DOCK1: variants seen among roughly 807,000 people sequenced by gnomAD.
The protein encoded by DOCK1 is dedicator of cytokinesis 1, also known as dedicator of cytokinesis protein 1.
DOCK1 carries 138 observed loss-of-function variants against 262.7 expected under a neutral mutation model. That is an observed-to-expected ratio of 0.53 (90% CI 0.46 to 0.61). The LOEUF is 0.61. Among genes scored for constraint, DOCK1 ranks in the 20% least tolerant of loss-of-function variants. DOCK1 has a pLI of 0.00. For synonymous variants in DOCK1, 866 were observed against 867.4 expected (o/e 1.00, Z 0.03); for missense variants, 1,908 against 2,370.7 (o/e 0.80, Z 4.05).
At chr10:127,028,586 A>G (rs976181445) in intron 16 of DOCK1, among the ~76,000 whole-genome samples, 8 of 152,134 alleles carry the variant, frequency 5.3e-5, no homozygotes, top group African/African-American at 9.7e-5. Flanking sequence ...TTATGCTCCA[A>G]TGCCTTGGGG....
chr10:127,121,449 A>ATGTGTGTG (rs1228920155), intron 25 of DOCK1, among the ~76,000 whole-genome samples: 1 of 33,782 alleles, frequency 3.0e-5, no homozygotes, highest in African/African-American at 6.2e-5. Flanking sequence ...TGTAGGGTAT[A>ATGTGTGTG]TGTATATGTG....
chr10:127,226,906 A>G (rs902651713), intron 27 of DOCK1, among the ~76,000 whole-genome samples: 66 of 152,138 alleles, frequency 4.3e-4, no homozygotes, highest in African/African-American at 1.5e-3. Flanking sequence ...ACAGCACCCA[A>G]GTCACCCCGT....
At chr10:126,936,682 A>T (rs1390154062) in intron 1 of DOCK1, among the ~76,000 whole-genome samples, 2 of 152,222 alleles carry the variant, frequency 1.3e-5, no homozygotes, top group African/African-American at 2.4e-5. Flanking sequence ...TTAGTGTAAA[A>T]TCAGAGAAAA....
chr10:127,444,738 G>T (rs1191077610), intron 50 of DOCK1, among the ~76,000 whole-genome samples: 2 of 152,138 alleles, frequency 1.3e-5, no homozygotes, highest in East Asian at 3.9e-4. Flanking sequence ...AAAACTGGTG[G>T]CTCCAAACAG....
intron 47 of DOCK1, 83 bp from the exon 48 acceptor site, chr10:127,433,200 C>T: frequency 6.4e-7 from 1 of 1,572,338 alleles, no homozygotes; most frequent in Non-Finnish European, 8.7e-7. Context: ...TTCCACACAG[C>T]TAAGGCCACT....
chr10:127,000,054 T>G, intron 9 of DOCK1, 118 bp from the exon 10 acceptor site: 1 of 1,163,800 alleles, frequency 8.6e-7, no homozygotes, highest in Non-Finnish European at 1.2e-6. Context: ...AATAACTGAT[T>G]AAAATGATAA....
At chr10:127,179,640 G>A (rs2055532709) in intron 27 of DOCK1, among the ~76,000 whole-genome samples, 1 of 152,130 alleles carries the variant, frequency 6.6e-6, no homozygotes, top group African/African-American at 2.4e-5. Context: ...TCTTTATTGG[G>A]GGTGGAGGGT....
intron 50 of DOCK1, among the ~76,000 whole-genome samples, 166 bp downstream of exon 50, chr10:127,444,445 T>A (rs562152521): frequency 2.2e-4 from 33 of 151,626 alleles, no homozygotes; most frequent in African/African-American, 7.8e-4. Context: ...GGCTGTAGAG[T>A]CTGGACTTCC....
At chr10:126,927,143 C>T (rs73382582) in intron 1 of DOCK1, among the ~76,000 whole-genome samples, 14,019 of 152,158 alleles carry the variant, frequency 0.092, 659 homozygotes, top group Middle Eastern at 0.18. Context: ...GTGTATTTTG[C>T]GTCGTCTTTT....
chr10:127,132,662 G>A (rs1381279266), intron 27 of DOCK1, among the ~76,000 whole-genome samples: 1 of 152,130 alleles, frequency 6.6e-6, no homozygotes, highest in Non-Finnish European at 1.5e-5. Flanking sequence ...CATTGGGTGT[G>A]TGTTTTTCCT....
At position 127,154,024 on chromosome 10, in the gene DOCK1, A is replaced by T. The variant is rs926855809; in HGVS notation, c.2847+26260A>T. On this transcript the variant is annotated intron_variant, in intron 27 of 51. Coordinates refer to ENST00000623213, the MANE Select transcript of DOCK1 (RefSeq NM_001290223.2). ...CAAATGCCTTCCCAATGCCAAGCTC[A>T]TCATGGTCATGGAAATTGATTAATG... 28 of 797,540 alleles carry T rather than the reference A, an allele frequency of 3.5e-5. No homozygotes were observed. The Admixed American group carries it at 5.2e-4, about 15-fold the overall frequency. 49.4% of individuals were successfully genotyped at this position (797,540 alleles called of 1,614,324 possible). A position where few individuals can be genotyped will look rare whatever the true frequency, so the allele number is the denominator to read the frequency against.
Position 127,023,434 on chromosome 10 carries a change from G to A in DOCK1, c.1452+110G>A, listed in dbSNP as rs114228348. ...CGTCAGGGTGGGGCTTTGGAGTCCC[G>A]TTTCTTGGGATTGGCGTTGGTTCTT... On this transcript the variant is annotated intron_variant, in intron 14 of 51. Coordinates refer to ENST00000623213, the MANE Select transcript of DOCK1 (RefSeq NM_001290223.2). The A allele has an allele frequency of 7.7e-4, 1,084 of 1,412,716 alleles. 8 individuals are homozygous for A. The African/African-American group carries it at 0.013, about 17-fold the overall frequency. The allele number at this position is 1,412,716 out of a possible 1,614,324, so 87.5% of individuals were successfully genotyped here.
rs552525832 is a variant in DOCK1 at position 127,429,275 on chromosome 10, G to A, written c.4914+3264G>A. On this transcript the variant is annotated intron_variant, in intron 47 of 51. Transcript: ENST00000623213. Reference sequence around the variant, plus strand: ...TCCACCCTGAGATACTTTGTTCCCCGGACCCACCTTGCAGAGTCCTGCTCC... The same window carrying A: ...TCCACCCTGAGATACTTTGTTCCCCAGACCCACCTTGCAGAGTCCTGCTCC... Among the ~76,000 whole-genome samples, 301 of 152,164 alleles carry A rather than the reference G, an allele frequency of 2.0e-3. 1 individual carries two copies. Among genetic ancestry groups the A allele is most frequent in the Middle Eastern group, 0.014 (4 of 294 alleles).
At chr10:127,258,636 T>G (rs1458112411) in intron 29 of DOCK1, among the ~76,000 whole-genome samples, 1 of 152,222 alleles carries the variant, frequency 6.6e-6, no homozygotes, top group Non-Finnish European at 1.5e-5. Flanking sequence ...GAACATGAGT[T>G]CGGTTCTGTG....
intron 50 of DOCK1, among the ~76,000 whole-genome samples, chr10:127,445,808 G>A (rs901473160): frequency 7.9e-5 from 12 of 152,196 alleles, no homozygotes; most frequent in African/African-American, 2.7e-4. Context: ...AAATGTCCGT[G>A]CAATGGAATA....
chr10:126,954,337 G>C (rs1294780399), intron 1 of DOCK1, among the ~76,000 whole-genome samples: 2 of 152,252 alleles, frequency 1.3e-5, no homozygotes, highest in Non-Finnish European at 2.9e-5. Flanking sequence ...GGCCTGGGCT[G>C]CTATGTAGGA....
rs1235336426 is a variant in DOCK1 at position 127,012,656 on chromosome 10, C to T, written c.1201+282C>T. Among the ~76,000 whole-genome samples, 1 of 152,190 alleles carries T rather than the reference C, an allele frequency of 6.6e-6. No individual in the cohort carries two copies. The highest frequency in any genetic ancestry group is 2.4e-5 in the African/African-American group (1 of 41,444). Reference sequence around the variant, plus strand: ...ACATGCAGGCGGTAGGCGTAACTCCCTCTGCCCGTGTTGTGTGCTAATCTT... The same window carrying T: ...ACATGCAGGCGGTAGGCGTAACTCCTTCTGCCCGTGTTGTGTGCTAATCTT... On this transcript the variant is annotated intron_variant, in intron 12 of 51. Transcript: ENST00000623213. The surrounding 1 kb of genome is among the most constrained non-coding windows in gnomAD (Gnocchi z 4.0).
At chr10:127,103,299 C>T (rs2048356139) in intron 23 of DOCK1, among the ~76,000 whole-genome samples, 1 of 152,194 alleles carries the variant, frequency 6.6e-6, no homozygotes, top group South Asian at 2.1e-4. Context: ...AGTCAATGTG[C>T]TGCGACTCTG....
In DOCK1 at chr10:127,418,467, A is replaced by G. The variant is rs1328402150; in HGVS notation, c.4618A>G (p.Ile1540Val). Residue 1540 changes from isoleucine to valine, a missense_variant, in exon 45 of 52, where the codon ATC (isoleucine) becomes GTC (valine). Physicochemically the swap from Ile to Val is conservative, Grantham distance 29. Transcript: ENST00000623213. ...GCACCTGGATGACCCCAGCCTGCCC[A>G]TCAACCCGCTCTCCATGCTCCTGAA... ...QQHLDDPSLP[I>V]NPLSMLLNGI... 6.2e-7 allele frequency: 1 copy of G among 1,613,982 alleles called. No homozygotes were observed. Among genetic ancestry groups the G allele is most frequent in the Non-Finnish European group, 8.5e-7 (1 of 1,180,032 alleles).
Sources: allele counts gnomAD v4.1 joint callset (sites outside exome capture counted in the v4.1 genomes callset), GRCh38; gene constraint gnomAD v4.1.1; non-coding constraint Gnocchi (gnomAD v3.1); transcripts MANE v1.5; gene names NCBI Gene and HGNC (gene_info 2026-07-23, HGNC 2026-07-21).